Variants in KDM4B observed in about 807,000 individuals in gnomAD.
The protein encoded by KDM4B is lysine-specific demethylase 4B.
Under a neutral mutation model 125.2 loss-of-function variants are expected in KDM4B, and 32 were observed. The ratio of observed to expected loss-of-function variants is 0.26; its 90% CI spans 0.19 to 0.34. KDM4B has a LOEUF of 0.34. KDM4B is among the 10% of genes least tolerant of loss of function. The probability of loss-of-function intolerance (pLI) is 1.00; values close to 1 mark genes in which losing one functional copy is unlikely to be tolerated. For missense variants in KDM4B, 1,190 were observed against 1,577.7 expected, an observed-to-expected ratio of 0.75 and a Z score of 4.16; for synonymous variants, 721 against 677.9, an observed-to-expected ratio of 1.06 and a Z score of -0.99.
At chr19:4,988,187 T>C (rs923227253) in intron 1 of KDM4B, among the ~76,000 whole-genome samples, 1 of 152,212 alleles carries the variant, frequency 6.6e-6, no homozygotes, top group African/African-American at 2.4e-5. Context: ...CCCACGTACC[T>C]AACCCCACGG....
chr19:5,140,601 G>A (rs1163319676), intron 18 of KDM4B: 8 of 152,226 alleles, frequency 5.3e-5, no homozygotes, highest in Non-Finnish European at 1.0e-4. Context: ...TCTGCATGGC[G>A]GGACGTGCCT....
chr19:5,137,248 C>A lies in KDM4B; in HGVS notation c.2309-14C>A. 6.4e-7 allele frequency: 1 copy of A among 1,560,950 alleles called. No homozygotes were observed. Among genetic ancestry groups the A allele is most frequent in the East Asian group, 2.4e-5 (1 of 42,080 alleles). On this transcript the variant is annotated splice_polypyrimidine_tract_variant and intron_variant, in intron 15 of 22. Transcript: ENST00000159111. Reference sequence around the variant, plus strand: ...CTGCCCCCCAGATCTCAGCCAGCCCCCGCTGTCTTCCAGGTTGCTATGGCA... The same window carrying A: ...CTGCCCCCCAGATCTCAGCCAGCCCACGCTGTCTTCCAGGTTGCTATGGCA...
chr19:5,069,366 G>A (rs935303339), intron 6 of KDM4B, among the ~76,000 whole-genome samples: 1 of 151,760 alleles, frequency 6.6e-6, no homozygotes, highest in Non-Finnish European at 1.5e-5. Flanking sequence ...CTGGAGTGCC[G>A]TGGCGCAATC....
chr19:5,040,221 C>T (rs2036763676), intron 4 of KDM4B, among the ~76,000 whole-genome samples: 1 of 152,076 alleles, frequency 6.6e-6, no homozygotes, highest in East Asian at 1.9e-4. Context: ...GCCCTCATCT[C>T]AGTTTCCCAG....
intron 1 of KDM4B, among the ~76,000 whole-genome samples, chr19:4,999,250 C>A (rs1406610419): frequency 6.6e-6 from 1 of 152,176 alleles, no homozygotes. Flanking sequence ...GGGTTATAAT[C>A]CACTGCCATC....
intron 1 of KDM4B, among the ~76,000 whole-genome samples, chr19:5,009,015 A>G (rs1304006223): frequency 6.7e-6 from 1 of 150,002 alleles, no homozygotes; most frequent in Non-Finnish European, 1.5e-5. Context: ...CCCAGGTTCA[A>G]GTAATTCTCC....
intron 5 of KDM4B, among the ~76,000 whole-genome samples, chr19:5,042,760 C>T (rs957121508): frequency 1.2e-4 from 18 of 151,342 alleles, no homozygotes; most frequent in Non-Finnish European, 2.1e-4. Flanking sequence ...GCGGGGATGG[C>T]GCTGAACCAT....
Position 5,032,696 on chromosome 19 carries a change from A to G in KDM4B, c.-25-170A>G, listed in dbSNP as rs550169395. Among the ~76,000 whole-genome samples the G allele has an allele frequency of 4.3e-4, 65 of 152,292 alleles. 1 individual carries two copies. The Middle Eastern group carries it at 0.014, about 32-fold the overall frequency. On this transcript the variant is annotated intron_variant, in intron 2 of 22. Coordinates refer to ENST00000159111, the MANE Select transcript of KDM4B (RefSeq NM_015015.3). ...GCCTTTTATGCTCAGCAGAGTGACG[A>G]GGCCGCTCGTGGTTTTCTCTTCTGC...
At position 5,137,973 on chromosome 19, in the gene KDM4B, T is replaced by C. The variant is rs763025996; in HGVS notation, c.2453T>C (p.Val818Ala). ...QMTTDRRWIHVICAIAVPEAR... is the reference protein window; with the variant it reads ...QMTTDRRWIHAICAIAVPEAR... ...ACCTGCCCTCCCAGGTGGATCCACG[T>C]GATCTGTGCCATCGCAGTCCCCGAG... The change falls in exon 18 of 23, where the codon GTG becomes GCG. Residue 818 changes from valine to alanine, a missense_variant. Val to Ala is a moderately conservative substitution (Grantham distance 64). This residue lies in a region of KDM4B where 298 missense variants were observed against 439.7 expected (regional missense o/e 0.68). Transcript: ENST00000159111. 1.2e-6 allele frequency: 2 copies of C among 1,612,272 alleles called. No individual in the cohort carries two copies. Among genetic ancestry groups the C allele is most frequent in the South Asian group, 1.1e-5 (1 of 90,916 alleles).
rs80053834 is a variant in KDM4B, at chr19:5,142,793, C to T, written c.2551-1174C>T. On this transcript the variant is annotated intron_variant, in intron 18 of 22. Coordinates refer to ENST00000159111, the MANE Select transcript of KDM4B (RefSeq NM_015015.3). This position sits in a 1 kb window ranked among gnomAD's most constrained non-coding sequence, Gnocchi z 5.4. ...TATTTACAGTTTAATAACGAGATCT[C>T]GATGCCGTCGATCGGCCCTGCTCCA... 0.024 allele frequency among the ~76,000 whole-genome samples: 3,669 copies of T among 152,076 alleles called. 77 individuals are homozygous for T. Among genetic ancestry groups the T allele is most frequent in the Middle Eastern group, 0.065 (19 of 294 alleles).
At chr19:5,047,431 T>TG (rs141865002) in intron 5 of KDM4B, 45 bp from the exon 6 acceptor site, 412,083 of 1,552,032 alleles carry the variant, frequency 0.27, 58,474 homozygotes, top group Non-Finnish European at 0.29. Flanking sequence ...TCGCAGGTTC[T>TG]GGGGGTGGCC....
intron 9 of KDM4B, among the ~76,000 whole-genome samples, chr19:5,084,398 A>G (rs1053927290): frequency 1.4e-5 from 2 of 142,802 alleles, no homozygotes; most frequent in African/African-American, 2.6e-5. Flanking sequence ...TATATAAAAT[A>G]AATTATATAA....
chr19:4,986,690 G>A (rs1301976355), intron 1 of KDM4B, among the ~76,000 whole-genome samples: 1 of 152,236 alleles, frequency 6.6e-6, no homozygotes, highest in East Asian at 1.9e-4. Context: ...GCCTCTCCCA[G>A]CAGGTGACAT....
intron 20 of KDM4B, 136 bp downstream of exon 20, chr19:5,144,548 G>T (rs1412177290): frequency 1.1e-6 from 1 of 912,554 alleles, no homozygotes; most frequent in Non-Finnish European, 1.5e-6. Context: ...TCCCTTCATG[G>T]GGTCCCCTTG....
At chr19:5,027,000 C>T (rs1168777429) in intron 2 of KDM4B, among the ~76,000 whole-genome samples, 4 of 152,226 alleles carry the variant, frequency 2.6e-5, no homozygotes, top group Non-Finnish European at 5.9e-5. Context: ...AGCCAGCTCA[C>T]ACCACGGGGC....
intron 21 of KDM4B, among the ~76,000 whole-genome samples, chr19:5,146,570 C>T (rs1451124797): frequency 6.6e-6 from 1 of 152,162 alleles, no homozygotes; most frequent in Admixed American, 6.5e-5. Flanking sequence ...TAGCCCATCC[C>T]AGGCAGCAGC....
In KDM4B at chr19:5,119,844, G is replaced by T; in HGVS notation, c.1307G>T (p.Gly436Val). 1 of 1,546,490 alleles carries T rather than the reference G, an allele frequency of 6.5e-7. No homozygotes were observed. ...QPLPHGREAE[G>V]AEEDGRGKLR... ...CTGCCACACGGCCGGGAGGCCGAGG[G>T]CGCAGAAGGTCAGTCCCTGCCGGGC... is the stretch of plus-strand genomic sequence containing the variant. The change falls in exon 11 of 23, where the codon GGC (glycine) becomes GTC (valine). Residue 436 changes from glycine (G) to valine (V), a missense_variant. Gly to Val is a moderately radical substitution (Grantham distance 109, BLOSUM62 -3). Coordinates refer to ENST00000159111, the MANE Select transcript of KDM4B (RefSeq NM_015015.3).
intron 1 of KDM4B, among the ~76,000 whole-genome samples, chr19:4,983,536 C>T (rs1599353160): frequency 6.6e-6 from 1 of 152,230 alleles, no homozygotes; most frequent in Non-Finnish European, 1.5e-5. Context: ...AGCACTGAAC[C>T]GTGGACTGGT....
chr19:5,140,340 C>T (rs1439864175), intron 18 of KDM4B: 3 of 152,518 alleles, frequency 2.0e-5, no homozygotes, highest in African/African-American at 7.2e-5. Context: ...CTGTAGCCCA[C>T]CTGCGCACAA....
Sources: allele counts gnomAD v4.1 joint callset (sites outside exome capture counted in the v4.1 genomes callset), GRCh38; gene constraint gnomAD v4.1.1; regional missense constraint gnomAD v4.1.1; non-coding constraint Gnocchi (gnomAD v3.1); transcripts MANE v1.5; gene names NCBI Gene and HGNC (gene_info 2026-07-23, HGNC 2026-07-21).